Variants in GAB2 observed in about 807,000 individuals in gnomAD.
The protein encoded by GAB2 is GRB2-associated-binding protein 2.
GAB2 carries 26 observed loss-of-function variants against 65.5 expected under a neutral mutation model. The observed-to-expected ratio is 0.40, with a 90% confidence interval of 0.29 to 0.55. The LOEUF is 0.55. Ranked by LOEUF, GAB2 falls within the 20% of genes least tolerant of loss-of-function variation. The pLI, the probability that GAB2 is intolerant of heterozygous loss-of-function variation, is 0.53. For synonymous variants in GAB2, 321 were observed against 329.6 expected, an observed-to-expected ratio of 0.97 and a Z score of 0.28; for missense variants, 884 against 875.8, an observed-to-expected ratio of 1.01 and a Z score of -0.12.
At chr11:78,410,527 T>C (rs1003046837) in intron 1 of GAB2, among the ~76,000 whole-genome samples, 17 of 152,010 alleles carry the variant, frequency 1.1e-4, no homozygotes, top group African/African-American at 4.1e-4. Context: ...AAAATAATAA[T>C]GAAGCAATGT....
In GAB2 at chr11:78,220,365, TAATC is replaced by T; in HGVS notation, c.1837_1840del (p.Asp613IlefsTer120). 1.2e-6 allele frequency: 2 copies of T among 1,613,126 alleles called. No homozygotes were observed. The highest frequency in any genetic ancestry group is 1.7e-6 in the Non-Finnish European group (2 of 1,179,470). The stretch of plus-strand genomic sequence containing the variant: ...GCTCGGCTGGAAGTCCAGGGCCAGA[TAATC>T]AACGCTGCCGGTGCTCTTCTTAGGG... On this transcript the variant is annotated frameshift_variant, in exon 9 of 10. Coordinates refer to ENST00000361507, the MANE Select transcript of GAB2 (RefSeq NM_080491.3). LOFTEE classifies it high-confidence loss of function.
At chr11:78,376,414 A>G (rs1262392624) in intron 1 of GAB2, among the ~76,000 whole-genome samples, 1 of 152,236 alleles carries the variant, frequency 6.6e-6, no homozygotes, top group Non-Finnish European at 1.5e-5. Context: ...AACAAGCCCT[A>G]TGAGATAGGT....
chr11:78,270,032 T>TGCTA (rs1398180923), intron 2 of GAB2, among the ~76,000 whole-genome samples: 2 of 152,200 alleles, frequency 1.3e-5, no homozygotes, highest in Non-Finnish European at 2.9e-5. Context: ...CATGTTATCT[T>TGCTA]GCTAGTTTAG....
rs564597684 is a variant in GAB2, at chr11:78,248,740, G to C, written c.620+1417C>G. The stretch of plus-strand genomic sequence containing the variant: ...AGATAAGAATATTGAAGGTTAATTA[G>C]GTTAAATAATTGGCCCAAGATCACA... On this transcript the variant is annotated intron_variant, in intron 3 of 9. Transcript: ENST00000361507. 4.6e-5 allele frequency among the ~76,000 whole-genome samples: 7 copies of C among 152,268 alleles called. No individual in the cohort carries two copies. The East Asian group carries it at 1.3e-3, about 29-fold the overall frequency.
chr11:78,378,436 T>C (rs1321682636), intron 1 of GAB2, among the ~76,000 whole-genome samples: 1 of 152,196 alleles, frequency 6.6e-6, no homozygotes, highest in Non-Finnish European at 1.5e-5. Context: ...TTTTTGTCAT[T>C]AGCAATTCCA....
chr11:78,406,747 C>A (rs1202375690), intron 1 of GAB2, among the ~76,000 whole-genome samples: 1 of 152,118 alleles, frequency 6.6e-6, no homozygotes, highest in South Asian at 2.1e-4. Context: ...AGACAATCGA[C>A]AGATGCCAAC....
At chr11:78,389,595 C>T (rs1238565362) in intron 1 of GAB2, among the ~76,000 whole-genome samples, 1 of 152,186 alleles carries the variant, frequency 6.6e-6, no homozygotes, top group Non-Finnish European at 1.5e-5. Context: ...GCGTGAGCCA[C>T]CGCGCCCGGC....
chr11:78,334,325 C>T (rs957654603), intron 1 of GAB2, among the ~76,000 whole-genome samples: 4 of 152,138 alleles, frequency 2.6e-5, no homozygotes, highest in Non-Finnish European at 4.4e-5. Context: ...CCCTGTTGTG[C>T]AATAAAATAG....
chr11:78,260,909 A>T (rs973874351), intron 2 of GAB2, among the ~76,000 whole-genome samples: 6 of 152,208 alleles, frequency 3.9e-5, no homozygotes, highest in African/African-American at 1.4e-4. Flanking sequence ...AATCGTGTTT[A>T]GCACAATGTT....
intron 2 of GAB2, among the ~76,000 whole-genome samples, chr11:78,265,939 G>A (rs1565133165): frequency 1.3e-5 from 2 of 152,048 alleles, no homozygotes; most frequent in Non-Finnish European, 2.9e-5. Context: ...ATTCAGCCAG[G>A]CATGGTGGCT....
chr11:78,319,191 AT>A (rs561964882), intron 1 of GAB2, among the ~76,000 whole-genome samples: 63 of 151,938 alleles, frequency 4.1e-4, no homozygotes, highest in South Asian at 6.2e-4. Flanking sequence ...CTAAAAATGA[AT>A]TTTTTTTCCT....
At chr11:78,222,606 G>A (rs1056388316) in intron 6 of GAB2, among the ~76,000 whole-genome samples, 18 of 150,162 alleles carry the variant, frequency 1.2e-4, no homozygotes, top group African/African-American at 4.2e-4. Context: ...TTTTTAAGAC[G>A]GGGTCTCACT....
chr11:78,245,988 C>T (rs1022604794), intron 3 of GAB2, among the ~76,000 whole-genome samples: 11 of 151,060 alleles, frequency 7.3e-5, no homozygotes, highest in Non-Finnish European at 5.9e-5. Flanking sequence ...TCTTCTCGCC[C>T]AGGCTGGAGT....
chr11:78,332,249 A>G (rs1156260267), intron 1 of GAB2, among the ~76,000 whole-genome samples: 1 of 152,238 alleles, frequency 6.6e-6, no homozygotes, highest in Non-Finnish European at 1.5e-5. Flanking sequence ...GACTAAAAAT[A>G]CACAGGCTAT....
chr11:78,399,499 G>T (rs1296839591), intron 1 of GAB2, among the ~76,000 whole-genome samples: 1 of 152,130 alleles, frequency 6.6e-6, no homozygotes, highest in African/African-American at 2.4e-5. Flanking sequence ...CCAGCGACTG[G>T]CCAAAGTCAT....
intron 1 of GAB2, among the ~76,000 whole-genome samples, chr11:78,317,474 C>T (rs906076945): frequency 2.7e-5 from 4 of 145,902 alleles, no homozygotes; most frequent in Admixed American, 1.4e-4. Context: ...TCGGGATAAT[C>T]GCTTGAACCT....
chr11:78,257,481 T>C (rs565413246), intron 2 of GAB2, among the ~76,000 whole-genome samples: 3 of 152,326 alleles, frequency 2.0e-5, no homozygotes, highest in East Asian at 1.9e-4. Context: ...ACTTGTTCAA[T>C]AGGGCTAAGT....
At chr11:78,402,541 G>T (rs12279379) in intron 1 of GAB2, among the ~76,000 whole-genome samples, 11,342 of 147,950 alleles carry the variant, frequency 0.077, 1,616 homozygotes, top group African/African-American at 0.28. Context: ...GCAATTCTCC[G>T]GCCTCAGCCG....
At chr11:78,260,407 C>G (rs1010688172) in intron 2 of GAB2, among the ~76,000 whole-genome samples, 1 of 152,058 alleles carries the variant, frequency 6.6e-6, no homozygotes, top group Non-Finnish European at 1.5e-5. Context: ...TTCTTTGGCT[C>G]GAGGCATCTC....
Sources: gnomAD v4.1 joint callset for allele counts (sites outside exome capture counted in the v4.1 genomes callset) on GRCh38, gnomAD v4.1.1 for gene constraint, MANE v1.5 for transcripts, NCBI Gene and HGNC (gene_info 2026-07-23, HGNC 2026-07-21) for gene names.